The following XKR6 variants were observed in gnomAD, a reference collection of about 807,000 sequenced individuals.
XKR6 encodes XK related 6, also known as XK-related protein 6.
A neutral mutation model predicts 56.7 loss-of-function variants in XKR6; 22 were observed. The observed-to-expected ratio is 0.39, with a 90% confidence interval of 0.28 to 0.55. The LOEUF is 0.55. XKR6 is among the 20% of genes least tolerant of loss of function. The probability of loss-of-function intolerance (pLI) is 0.66; values close to 1 mark genes in which losing one functional copy is unlikely to be tolerated. For missense variants in XKR6, 852 were observed against 889.0 expected (o/e 0.96, Z 0.53); for synonymous variants, 524 against 387.8 (o/e 1.35, Z -4.13).
intron 1 of XKR6, among the ~76,000 whole-genome samples, chr8:11,132,156 A>G (rs1181587518): frequency 6.6e-6 from 1 of 152,066 alleles, no homozygotes; most frequent in African/African-American, 2.4e-5. Flanking sequence ...GCTCCCAGGT[A>G]TGCCAGGCCC....
chr8:11,157,885 A>T (rs1055177960), intron 1 of XKR6, among the ~76,000 whole-genome samples: 3 of 152,178 alleles, frequency 2.0e-5, no homozygotes, highest in Admixed American at 2.0e-4. Context: ...CCAAACTTCA[A>T]AGAATTATTA....
At chr8:11,166,766 T>A (rs3021501) in intron 1 of XKR6, among the ~76,000 whole-genome samples, 1 of 151,762 alleles carries the variant, frequency 6.6e-6, no homozygotes, top group African/African-American at 2.4e-5. Context: ...AGAGACGGGG[T>A]TTCACCATGT....
intron 1 of XKR6, among the ~76,000 whole-genome samples, chr8:11,120,323 G>A (rs1302242342): frequency 6.6e-6 from 1 of 152,186 alleles, no homozygotes; most frequent in African/African-American, 2.4e-5. Context: ...AAGCTGATAA[G>A]CAAACTCAGC....
At chr8:11,060,848 G>A (rs1563110781) in intron 1 of XKR6, among the ~76,000 whole-genome samples, 2 of 152,208 alleles carry the variant, frequency 1.3e-5, no homozygotes, top group Admixed American at 6.5e-5. Flanking sequence ...TAATTCCAGT[G>A]ATAGCAAGTG....
At chr8:11,183,557 A>C (rs1009287706) in intron 1 of XKR6, among the ~76,000 whole-genome samples, 1 of 151,928 alleles carries the variant, frequency 6.6e-6, no homozygotes, top group African/African-American at 2.4e-5. Context: ...TCCTGGCCTC[A>C]AGTGATCCTC....
intron 1 of XKR6, among the ~76,000 whole-genome samples, chr8:10,976,171 A>G (rs1449367640): frequency 6.7e-5 from 10 of 148,664 alleles, no homozygotes; most frequent in Admixed American, 2.0e-4. Context: ...GCAAGACTCC[A>G]TCTCAAGAAA....
At chr8:10,912,306 G>GTATATATATATATATATA (rs535084135) in intron 2 of XKR6, among the ~76,000 whole-genome samples, 2 of 55,222 alleles carry the variant, frequency 3.6e-5, no homozygotes, top group African/African-American at 6.3e-5. Context: ...AAGAGAGGGT[G>GTATATATATATATATATA]TATATATATA....
intron 1 of XKR6, among the ~76,000 whole-genome samples, chr8:11,093,900 C>G (rs1013432380): frequency 2.3e-4 from 35 of 151,828 alleles, no homozygotes; most frequent in African/African-American, 8.2e-4. Context: ...TCTCCTGCCT[C>G]AGCCTCCCAA....
chr8:10,994,064 G>T (rs924327566), intron 1 of XKR6, among the ~76,000 whole-genome samples: 2 of 152,176 alleles, frequency 1.3e-5, no homozygotes, highest in Admixed American at 6.5e-5. Flanking sequence ...CCTTGGCTGG[G>T]CCCCTGAAAG....
chr8:11,062,698 C>T (rs1184600843), intron 1 of XKR6: 1 of 454,524 alleles, frequency 2.2e-6, no homozygotes. Context: ...GTTAGAGTTT[C>T]ATCTATTTTA....
chr8:11,108,130 G>C (rs755276905), intron 1 of XKR6: 2 of 352,182 alleles, frequency 5.7e-6, no homozygotes, highest in East Asian at 8.3e-5. Context: ...AGGGACCCGT[G>C]TGTTGAAACA....
intron 1 of XKR6, among the ~76,000 whole-genome samples, chr8:10,991,892 G>C (rs1219558397): frequency 6.6e-6 from 1 of 152,162 alleles, no homozygotes; most frequent in Non-Finnish European, 1.5e-5. Flanking sequence ...CAGGAAATGG[G>C]TAAAGCCTAC....
chr8:10,936,298 G>C (rs1294411015), intron 1 of XKR6, among the ~76,000 whole-genome samples: 1 of 146,802 alleles, frequency 6.8e-6, no homozygotes, highest in African/African-American at 2.5e-5. Flanking sequence ...GTGTGTCTCT[G>C]CACGTGAGAT....
chr8:11,021,796 G>A (rs547281982), intron 1 of XKR6, among the ~76,000 whole-genome samples: 1 of 152,198 alleles, frequency 6.6e-6, no homozygotes, highest in South Asian at 2.1e-4. Flanking sequence ...AGATACTAAC[G>A]TGATAAGACA....
At chr8:10,942,771 C>G (rs1394891689) in intron 1 of XKR6, among the ~76,000 whole-genome samples, 1 of 152,236 alleles carries the variant, frequency 6.6e-6, no homozygotes, top group Admixed American at 6.5e-5. Context: ...TCCCTCCGCC[C>G]TGTTCACGCT....
At chr8:11,001,969 T>C (rs1282099818) in intron 1 of XKR6, among the ~76,000 whole-genome samples, 3 of 151,898 alleles carry the variant, frequency 2.0e-5, no homozygotes, top group Non-Finnish European at 4.4e-5. Flanking sequence ...CAGACCTCAG[T>C]TTTCTAACCA....
At chr8:10,963,430 T>C (rs1224381439) in intron 1 of XKR6, among the ~76,000 whole-genome samples, 1 of 152,212 alleles carries the variant, frequency 6.6e-6, no homozygotes, top group Non-Finnish European at 1.5e-5. Flanking sequence ...TTTGCTTCGA[T>C]ACCTGCCTCC....
chr8:10,988,612 C>T (rs2129139646), intron 1 of XKR6, among the ~76,000 whole-genome samples: 1 of 152,278 alleles, frequency 6.6e-6, no homozygotes, highest in East Asian at 1.9e-4. Context: ...GGACTGAGTC[C>T]ATGATCTACT....
At chr8:11,130,196 T>C (rs980706811) in intron 1 of XKR6, among the ~76,000 whole-genome samples, 1 of 152,122 alleles carries the variant, frequency 6.6e-6, no homozygotes, top group Admixed American at 6.5e-5. Flanking sequence ...TGTGTGTATG[T>C]ATTTAGGGTT....
Sources: gnomAD v4.1 joint callset for allele counts (sites outside exome capture counted in the v4.1 genomes callset) on GRCh38, gnomAD v4.1.1 for gene constraint, MANE v1.5 for transcripts, NCBI Gene and HGNC (gene_info 2026-07-23, HGNC 2026-07-21) for gene names.